PCBP3: variants seen among roughly 807,000 people sequenced by gnomAD.
PCBP3 encodes the protein poly(rC) binding protein 3.
Under a neutral mutation model 52.7 loss-of-function variants are expected in PCBP3, and 25 were observed. The observed-to-expected ratio is 0.47, with a 90% CI of 0.35 to 0.66. PCBP3 has a LOEUF of 0.66. Among genes scored for constraint, PCBP3 ranks in the 30% least tolerant of loss-of-function variants. The pLI, the probability that PCBP3 is intolerant of heterozygous loss-of-function variation, is 0.01. For synonymous variants in PCBP3, 162 were observed against 183.0 expected, an observed-to-expected ratio of 0.89 and a Z score of 0.93; for missense variants, 391 against 490.3, an observed-to-expected ratio of 0.80 and a Z score of 1.91.
intron 4 of PCBP3, among the ~76,000 whole-genome samples, chr21:45,803,537 G>A (rs1308483982): frequency 2.0e-5 from 3 of 152,126 alleles, no homozygotes; most frequent in African/African-American, 4.8e-5. Context: ...TTGTTAGGTC[G>A]GGAAAAAGCC....
At chr21:45,824,083 G>A (rs1458723286) in intron 4 of PCBP3, among the ~76,000 whole-genome samples, 1 of 152,166 alleles carries the variant, frequency 6.6e-6, no homozygotes, top group African/African-American at 2.4e-5. Context: ...TTTATAATGT[G>A]TCTTTAGTTG....
intron 4 of PCBP3, among the ~76,000 whole-genome samples, chr21:45,792,675 GAA>G (rs977356390): frequency 4.6e-5 from 7 of 152,206 alleles, no homozygotes; most frequent in Non-Finnish European, 1.0e-4. Flanking sequence ...TTAAGAGAGA[GAA>G]ACAGGCGATG....
intron 2 of PCBP3, among the ~76,000 whole-genome samples, chr21:45,681,181 A>T (rs1486206825): frequency 6.6e-6 from 1 of 152,198 alleles, no homozygotes; most frequent in African/African-American, 2.4e-5. Flanking sequence ...TACAATGGGG[A>T]TTTAGTTTCA....
intron 13 of PCBP3, chr21:45,918,031 T>C: frequency 3.5e-6 from 1 of 286,726 alleles, no homozygotes; most frequent in Non-Finnish European, 6.8e-6. Flanking sequence ...CAAAGATACC[T>C]TGGCAAGCAC....
chr21:45,881,627 T>C (rs2095407884), intron 5 of PCBP3, among the ~76,000 whole-genome samples: 1 of 152,190 alleles, frequency 6.6e-6, no homozygotes, highest in South Asian at 2.1e-4. Flanking sequence ...ACATTGTTCT[T>C]ACCCATAGTC....
chr21:45,661,040 CA>C (rs960933206), intron 1 of PCBP3, among the ~76,000 whole-genome samples: 8 of 151,166 alleles, frequency 5.3e-5, no homozygotes, highest in African/African-American at 1.5e-4. Context: ...AACTCCATCT[CA>C]AAAAAAATAT....
intron 5 of PCBP3, chr21:45,893,640 GC>G: frequency 1.5e-6 from 1 of 668,838 alleles, no homozygotes; most frequent in Non-Finnish European, 1.8e-6. Context: ...GGGGACCCAG[GC>G]CCTCACGGAT....
intron 1 of PCBP3, among the ~76,000 whole-genome samples, chr21:45,647,799 C>T (rs991483059): frequency 2.0e-5 from 3 of 152,046 alleles, no homozygotes; most frequent in Non-Finnish European, 4.4e-5. Context: ...TAAAGCTGTC[C>T]ACATCCTAAT....
chr21:45,653,826 A>T (rs924292660), intron 1 of PCBP3, among the ~76,000 whole-genome samples: 8 of 151,968 alleles, frequency 5.3e-5, no homozygotes, highest in African/African-American at 1.9e-4. Flanking sequence ...CATTATTTTA[A>T]TCTGATAATG....
At chr21:45,767,257 C>T (rs1444486273) in intron 4 of PCBP3, among the ~76,000 whole-genome samples, 1 of 152,132 alleles carries the variant, frequency 6.6e-6, no homozygotes, top group Non-Finnish European at 1.5e-5. Context: ...AGTCTAATTT[C>T]TGTCTACAGA....
chr21:45,917,635 T>G lies in PCBP3; in HGVS notation c.717+6T>G. On this transcript the variant is annotated splice_donor_region_variant and intron_variant, in intron 13 of 17. Transcript: ENST00000681687. This position sits in a 1 kb window ranked among gnomAD's most constrained non-coding sequence, Gnocchi z 5.3. The stretch of plus-strand genomic sequence containing the variant: ...ATGCCATCCCTCACCCGGATGTGAG[T>G]CTTCACTTTGTCTTCCTCTCACCTT... The G allele has an allele frequency of 3.1e-6, 5 of 1,610,292 alleles. No individual in the cohort carries two copies. Among genetic ancestry groups the G allele is most frequent in the Non-Finnish European group, 4.2e-6 (5 of 1,176,662 alleles).
At chr21:45,650,761 T>A (rs1310883685) in intron 1 of PCBP3, among the ~76,000 whole-genome samples, 1 of 152,202 alleles carries the variant, frequency 6.6e-6, no homozygotes, top group African/African-American at 2.4e-5. Flanking sequence ...TCCTGGAAAT[T>A]TGGCAAAATC....
At chr21:45,888,025 G>A (rs951411656) in intron 5 of PCBP3, among the ~76,000 whole-genome samples, 6 of 152,324 alleles carry the variant, frequency 3.9e-5, no homozygotes, top group African/African-American at 7.2e-5. Flanking sequence ...GGGCATTTCC[G>A]GAGGGGGCTA....
intron 1 of PCBP3, among the ~76,000 whole-genome samples, chr21:45,646,071 C>CTT (rs1355311961): frequency 1.6e-5 from 2 of 123,334 alleles, no homozygotes; most frequent in African/African-American, 6.7e-5. Flanking sequence ...CTCTCTCTCT[C>CTT]TCTCTCTCTC....
At chr21:45,933,918 G>A (rs894522833) in intron 15 of PCBP3, among the ~76,000 whole-genome samples, 1 of 152,196 alleles carries the variant, frequency 6.6e-6, no homozygotes, top group African/African-American at 2.4e-5. Flanking sequence ...GCAGGGCAGA[G>A]GTGGTGGGGA....
chr21:45,681,359 T>C (rs549791970), intron 2 of PCBP3, among the ~76,000 whole-genome samples: 3 of 152,360 alleles, frequency 2.0e-5, no homozygotes, highest in Non-Finnish European at 4.4e-5. Flanking sequence ...ACTACATTAA[T>C]TGATTTTCAA....
chr21:45,847,067 T>C (rs773698161), intron 4 of PCBP3, among the ~76,000 whole-genome samples: 2 of 152,238 alleles, frequency 1.3e-5, no homozygotes, highest in Non-Finnish European at 2.9e-5. Context: ...TTATTGTGCA[T>C]CTTTTTATTT....
At chr21:45,728,011 G>A (rs1420176903) in intron 2 of PCBP3, among the ~76,000 whole-genome samples, 1 of 152,078 alleles carries the variant, frequency 6.6e-6, no homozygotes, top group Non-Finnish European at 1.5e-5. Flanking sequence ...CTTTTTCAAA[G>A]TTCTTTGGCT....
At chr21:45,808,441 C>G (rs1395615285) in intron 4 of PCBP3, among the ~76,000 whole-genome samples, 6 of 152,174 alleles carry the variant, frequency 3.9e-5, no homozygotes, top group African/African-American at 1.2e-4. Flanking sequence ...TGAAAAAAAG[C>G]TAATCATCAC....
Sources: gnomAD v4.1 joint callset for allele counts (sites outside exome capture counted in the v4.1 genomes callset) on GRCh38, gnomAD v4.1.1 for gene constraint, Gnocchi (gnomAD v3.1) non-coding constraint, MANE v1.5 for transcripts, NCBI Gene and HGNC (gene_info 2026-07-23, HGNC 2026-07-21) for gene names.